Variants in RANBP2 observed in about 807,000 individuals in gnomAD.
RANBP2 encodes E3 SUMO-protein ligase RanBP2.
Under a neutral mutation model 303.6 loss-of-function variants are expected in RANBP2, and 57 were observed. The observed-to-expected ratio is 0.19, with a 90% CI of 0.15 to 0.23. The LOEUF (loss-of-function observed/expected upper bound fraction) is 0.23. Ranked by LOEUF, RANBP2 falls within the 10% of genes least tolerant of loss-of-function variation. The pLI, the probability that RANBP2 is intolerant of heterozygous loss-of-function variation, is 1.00. For missense variants in RANBP2, 3,138 were observed against 3,780.8 expected (o/e 0.83, Z 4.46); for synonymous variants, 1,167 against 1,301.5 (o/e 0.90, Z 2.23).
the RANBP2 span, among the ~76,000 whole-genome samples, chr2:109,386,429 A>C: frequency 0.8 from 120,512 of 151,536 alleles, 48,385 homozygotes; most frequent in African/African-American, 0.91. Context: ...AAAAAAAAAA[A>C]AAAACACTGT....
At chr2:108,957,615 AAGAGTAGGTGCCTC>A in the RANBP2 span, among the ~76,000 whole-genome samples, 1 of 152,070 alleles carries the variant, frequency 6.6e-6, no homozygotes, top group South Asian at 2.1e-4. Context: ...AACGTGGGTT[AAGAGTAGGTGCCTC>A]CAACTGCATT....
At chr2:108,963,535 A>G in the RANBP2 span, among the ~76,000 whole-genome samples, 2 of 152,218 alleles carry the variant, frequency 1.3e-5, no homozygotes, top group South Asian at 4.1e-4. Flanking sequence ...TTCGTCTGGT[A>G]AAATTACAGG....
chr2:109,623,556 C>G, the RANBP2 span, among the ~76,000 whole-genome samples: 3 of 152,150 alleles, frequency 2.0e-5, no homozygotes. Context: ...CCAGAGTGAC[C>G]CCGATGGATG....
At chr2:109,240,016 T>C in the RANBP2 span, among the ~76,000 whole-genome samples, 1 of 152,136 alleles carries the variant, frequency 6.6e-6, no homozygotes, top group Non-Finnish European at 1.5e-5. Flanking sequence ...GATAGATGAG[T>C]CACTTGTCTG....
chr2:109,489,930 G>T, the RANBP2 span, among the ~76,000 whole-genome samples: 1 of 152,178 alleles, frequency 6.6e-6, no homozygotes. Flanking sequence ...TAGAGACAGG[G>T]TTTCACCATG....
chr2:109,450,815 G>A, the RANBP2 span, among the ~76,000 whole-genome samples: 1 of 152,228 alleles, frequency 6.6e-6, no homozygotes, highest in African/African-American at 2.4e-5. Context: ...CTTGCTGCCT[G>A]AACGGTTTAG....
At chr2:109,277,088 G>T in the RANBP2 span, among the ~76,000 whole-genome samples, 2 of 152,210 alleles carry the variant, frequency 1.3e-5, no homozygotes, top group African/African-American at 2.4e-5. Flanking sequence ...CCCCACGCCG[G>T]CGGTCCCTCA....
the RANBP2 span, among the ~76,000 whole-genome samples, chr2:109,629,462 G>T: frequency 6.7e-6 from 1 of 149,362 alleles, no homozygotes; most frequent in East Asian, 2.0e-4. Flanking sequence ...ACTAAGTTGA[G>T]AATTGATTTT....
At chr2:109,585,775 G>A in the RANBP2 span, 2 of 1,613,740 alleles carry the variant, frequency 1.2e-6, no homozygotes, top group Admixed American at 3.3e-5. Context: ...TTCACCAGCT[G>A]ATCAGGCAAA....
At chr2:108,820,141 C>T in the RANBP2 span, among the ~76,000 whole-genome samples, 1 of 152,180 alleles carries the variant, frequency 6.6e-6, no homozygotes, top group African/African-American at 2.4e-5. Flanking sequence ...GGCACAGTGG[C>T]TTACACCTGT....
At chr2:109,364,954 A>G in the RANBP2 span, among the ~76,000 whole-genome samples, 1 of 152,124 alleles carries the variant, frequency 6.6e-6, no homozygotes, top group Admixed American at 6.5e-5. Context: ...AACTGGGTGT[A>G]GTGGCACACG....
chr2:109,175,315 A>G, the RANBP2 span, among the ~76,000 whole-genome samples: 1 of 152,052 alleles, frequency 6.6e-6, no homozygotes, highest in Non-Finnish European at 1.5e-5. Flanking sequence ...TCTTGATGAG[A>G]TGTCTGAGGG....
the RANBP2 span, among the ~76,000 whole-genome samples, chr2:109,479,299 G>A: frequency 1.3e-5 from 2 of 152,166 alleles, no homozygotes; most frequent in African/African-American, 2.4e-5. Flanking sequence ...AGTTAGGGGA[G>A]TGCCAAAGGC....
the RANBP2 span, among the ~76,000 whole-genome samples, chr2:109,196,656 G>A: frequency 4.6e-5 from 7 of 152,204 alleles, no homozygotes; most frequent in Non-Finnish European, 7.3e-5. Context: ...TGGCCTGGCT[G>A]GCTGAGGTCT....
chr2:109,303,165 C>T, the RANBP2 span, among the ~76,000 whole-genome samples: 26 of 152,310 alleles, frequency 1.7e-4, no homozygotes, highest in African/African-American at 5.8e-4. Flanking sequence ...CGTGAGCCAC[C>T]GCGCCCGGCC....
chr2:108,975,522 A>C, the RANBP2 span, among the ~76,000 whole-genome samples: 1 of 152,174 alleles, frequency 6.6e-6, no homozygotes, highest in African/African-American at 2.4e-5. Context: ...GACCAGATGG[A>C]TGCCGGAGTG....
the RANBP2 span, among the ~76,000 whole-genome samples, chr2:109,657,510 C>G: frequency 6.6e-6 from 1 of 151,958 alleles, no homozygotes; most frequent in Admixed American, 6.6e-5. Context: ...TAGGATGTTC[C>G]CAACCATGTT....
In RANBP2 at chr2:108,763,456, C is replaced by T. The variant is rs1244891254; in HGVS notation, c.2917C>T (p.Pro973Ser). The change falls in exon 20 of 29, where the codon CCA becomes TCA. Residue 973 changes from proline to serine, a missense_variant. Pro to Ser is a moderately conservative substitution (Grantham distance 74). Transcript: ENST00000283195. ...CAATGTTCAACAGACAAGCACAAAT[C>T]CACCTTTGCCAGAACCAGGATATTT... ...NYNVQQTSTNPPLPEPGYFTK... is the reference protein window; with the variant it reads ...NYNVQQTSTNSPLPEPGYFTK... 1.2e-6 allele frequency: 2 copies of T among 1,614,028 alleles called. No individual in the cohort carries two copies. Among genetic ancestry groups the T allele is most frequent in the South Asian group, 2.2e-5 (2 of 91,082 alleles).
the RANBP2 span, among the ~76,000 whole-genome samples, chr2:108,808,697 T>A: frequency 6.6e-6 from 1 of 152,226 alleles, no homozygotes; most frequent in African/African-American, 2.4e-5. Context: ...ACCCATTTTT[T>A]ATTTGGATTA....
Sources: allele counts gnomAD v4.1 joint callset (sites outside exome capture counted in the v4.1 genomes callset), GRCh38; gene constraint gnomAD v4.1.1; transcripts MANE v1.5; gene names NCBI Gene and HGNC (gene_info 2026-07-23, HGNC 2026-07-21).